GRAMD1B: variants seen among roughly 807,000 people sequenced by gnomAD.
GRAMD1B encodes GRAM domain containing 1B, also known as protein Aster-B.
Under a neutral mutation model 99.7 loss-of-function variants are expected in GRAMD1B, and 37 were observed. That is an observed-to-expected ratio of 0.37 (90% CI 0.29 to 0.49). The LOEUF is 0.49. GRAMD1B is among the 20% of genes least tolerant of loss of function. The pLI, the probability that GRAMD1B is intolerant of heterozygous loss-of-function variation, is 0.98. For synonymous variants in GRAMD1B, 427 were observed against 387.6 expected, an observed-to-expected ratio of 1.10 and a Z score of -1.19; for missense variants, 888 against 1,009.2, an observed-to-expected ratio of 0.88 and a Z score of 1.63.
intron 1 of GRAMD1B, among the ~76,000 whole-genome samples, chr11:123,363,536 G>T (rs114943444): frequency 0.013 from 2,031 of 152,210 alleles, 43 homozygotes; most frequent in African/African-American, 0.045. Context: ...TTCTGGTGGA[G>T]CTTAGCATTT....
chr11:123,557,379 C>T (rs141176868), intron 2 of GRAMD1B, among the ~76,000 whole-genome samples: 215 of 152,314 alleles, frequency 1.4e-3, no homozygotes, highest in African/African-American at 4.9e-3. Context: ...AGGCAAATAA[C>T]ATTTTGGTGA....
intron 1 of GRAMD1B, among the ~76,000 whole-genome samples, chr11:123,412,913 C>G (rs966975012): frequency 1.3e-5 from 2 of 152,126 alleles, no homozygotes; most frequent in Non-Finnish European, 2.9e-5. Flanking sequence ...TCCCGAGTAG[C>G]TGGGAATACA....
In GRAMD1B at chr11:123,626,264, G is replaced by C. The variant is rs891778969; in HGVS notation, c.*3669G>C. ...ATGAAGCTTTGGCTAAAACCCTTGG[G>C]TTTGCCTTAGAACACTGACACTAAG... is the stretch of plus-strand genomic sequence containing the variant. On this transcript the variant is annotated 3_prime_UTR_variant, in exon 20 of 20. Coordinates refer to ENST00000635736, the MANE Select transcript of GRAMD1B (RefSeq NM_001387025.1). 1 of 152,116 alleles carries C rather than the reference G, an allele frequency of 6.6e-6. No individual in the cohort carries two copies. The highest frequency in any genetic ancestry group is 1.5e-5 in the Non-Finnish European group (1 of 68,024). 9.4% of individuals were successfully genotyped at this position (152,116 alleles called of 1,614,324 possible). A position where few individuals can be genotyped will look rare whatever the true frequency, so the allele number is the denominator to read the frequency against.
At chr11:123,379,225 G>C (rs1243601708) in intron 1 of GRAMD1B, among the ~76,000 whole-genome samples, 1 of 152,100 alleles carries the variant, frequency 6.6e-6, no homozygotes, top group East Asian at 1.9e-4. Context: ...GATTTGAACG[G>C]GACCCAATAA....
intron 2 of GRAMD1B, among the ~76,000 whole-genome samples, chr11:123,559,150 G>T (rs948126): frequency 0.089 from 13,523 of 152,252 alleles, 708 homozygotes; most frequent in Middle Eastern, 0.13. Context: ...TGTTAGAAAG[G>T]CTGACTTTTG....
At chr11:123,602,270 A>G (rs1401903373) in intron 8 of GRAMD1B, among the ~76,000 whole-genome samples, 2 of 151,992 alleles carry the variant, frequency 1.3e-5, no homozygotes, top group African/African-American at 4.8e-5. Flanking sequence ...TTCTTAAACC[A>G]TACCTGAAAC....
chr11:123,441,278 A>C lies in GRAMD1B; in HGVS notation c.374+10112A>C, dbSNP rs77819801. The stretch of plus-strand genomic sequence containing the variant: ...TCGAAAGAATGGCACCAAACCTTTC[A>C]TAAGAGATCCTCCCCCACAGCCCAA... On this transcript the variant is annotated intron_variant, in intron 1 of 19. Transcript: ENST00000635736. 2.5e-3 allele frequency among the ~76,000 whole-genome samples: 379 copies of C among 152,240 alleles called. 7 individuals carry two copies. In the East Asian group the frequency reaches 0.049, roughly 20 times the overall value.
intron 8 of GRAMD1B, among the ~76,000 whole-genome samples, chr11:123,601,164 C>CT (rs1951907242): frequency 6.6e-6 from 1 of 152,108 alleles, no homozygotes; most frequent in African/African-American, 2.4e-5. Context: ...TTTCCTCTCT[C>CT]TAGGAATTAG....
intron 10 of GRAMD1B, among the ~76,000 whole-genome samples, 169 bp from the exon 11 acceptor site, chr11:123,606,440 A>C (rs1952731437): frequency 6.6e-6 from 1 of 152,170 alleles, no homozygotes; most frequent in Admixed American, 6.5e-5. Context: ...GTGTTTGCCC[A>C]TCCTCTGTGG....
Position 123,626,139 on chromosome 11 carries a change from A to G in GRAMD1B, c.*3544A>G, listed in dbSNP as rs551636208. The G allele has an allele frequency of 1.3e-5, 2 of 152,306 alleles. No homozygotes were observed. The highest frequency in any genetic ancestry group is 1.9e-4 in the East Asian group (1 of 5,184). 9.4% of individuals were successfully genotyped at this position (152,306 alleles called of 1,614,324 possible). ...ATCTCTAGGGTCTGTTCAGCCTTTC[A>G]TCTATCCATCCTTCCTCTTTATTGG... On this transcript the variant is annotated 3_prime_UTR_variant, in exon 20 of 20. Coordinates refer to ENST00000635736, the MANE Select transcript of GRAMD1B (RefSeq NM_001387025.1).
chr11:123,458,346 C>T (rs985151837), intron 1 of GRAMD1B: 1 of 152,204 alleles, frequency 6.6e-6, no homozygotes, highest in Admixed American at 6.5e-5. Context: ...TCTGGCAGTT[C>T]CATTCACATA....
chr11:123,584,181 G>A, intron 3 of GRAMD1B, 131 bp from the exon 4 acceptor site: 1 of 596,298 alleles, frequency 1.7e-6, no homozygotes, highest in East Asian at 3.5e-5. Flanking sequence ...GCAACCACAT[G>A]GGAAGCATTC....
At chr11:123,526,376 C>T (rs964086626) in intron 2 of GRAMD1B, among the ~76,000 whole-genome samples, 4 of 152,188 alleles carry the variant, frequency 2.6e-5, no homozygotes, top group African/African-American at 7.2e-5. Context: ...TCCTTACCTT[C>T]TTCGAGGTCG....
At chr11:123,599,526 G>A in intron 7 of GRAMD1B, 1 of 526,738 alleles carries the variant, frequency 1.9e-6, no homozygotes, top group Non-Finnish European at 3.6e-6. Context: ...AGGCTGGAGT[G>A]CAGTAGCACT....
chr11:123,556,019 C>A (rs915034543), intron 2 of GRAMD1B, among the ~76,000 whole-genome samples: 4 of 152,242 alleles, frequency 2.6e-5, no homozygotes, highest in Admixed American at 6.5e-5. Flanking sequence ...CAGGCATGAG[C>A]CACTGCGCCT....
chr11:123,418,585 A>G (rs967259718), intron 1 of GRAMD1B, among the ~76,000 whole-genome samples: 2 of 152,214 alleles, frequency 1.3e-5, no homozygotes, highest in African/African-American at 2.4e-5. Context: ...TTAGAGTCCC[A>G]GGTTTCTTCT....
intron 2 of GRAMD1B, among the ~76,000 whole-genome samples, chr11:123,513,617 C>CCTTCCTTTCTTTCT: frequency 2.2e-5 from 1 of 45,816 alleles, no homozygotes; most frequent in South Asian, 6.9e-4. Context: ...TTCCTTCCTT[C>CCTTCCTTTCTTTCT]CTTTCTTTCT....
intron 1 of GRAMD1B, among the ~76,000 whole-genome samples, chr11:123,471,724 G>C (rs1175863941): frequency 6.6e-6 from 1 of 152,162 alleles, no homozygotes; most frequent in African/African-American, 2.4e-5. Flanking sequence ...TCATAAAGCA[G>C]TGGTGAAGAA....
At chr11:123,378,210 A>G (rs1467827900) in intron 1 of GRAMD1B, among the ~76,000 whole-genome samples, 1 of 152,248 alleles carries the variant, frequency 6.6e-6, no homozygotes, top group African/African-American at 2.4e-5. Flanking sequence ...GGAATTAGTA[A>G]GAGGAAGACC....
Sources: allele counts gnomAD v4.1 joint callset (sites outside exome capture counted in the v4.1 genomes callset), GRCh38; gene constraint gnomAD v4.1.1; transcripts MANE v1.5; gene names NCBI Gene and HGNC (gene_info 2026-07-23, HGNC 2026-07-21).